Variants in LNPEP observed in about 807,000 individuals in gnomAD.
LNPEP encodes leucyl and cystinyl aminopeptidase.
A neutral mutation model predicts 120.6 loss-of-function variants in LNPEP; 64 were observed. The observed-to-expected ratio is 0.53, with a 90% CI of 0.43 to 0.65. The LOEUF is 0.65. LNPEP is among the 30% of genes least tolerant of loss of function. The pLI is 0.00. For synonymous variants in LNPEP, 435 were observed against 425.4 expected, an observed-to-expected ratio of 1.02 and a Z score of -0.28; for missense variants, 1,057 against 1,200.0, an observed-to-expected ratio of 0.88 and a Z score of 1.76.
At position 97,035,518 on chromosome 5, in the gene LNPEP, G is replaced by A. The variant is rs1036763546; in HGVS notation, c.*6985G>A. 3.3e-5 allele frequency: 5 copies of A among 152,026 alleles called. No homozygotes were observed. Among genetic ancestry groups the A allele is most frequent in the African/African-American group, 9.7e-5 (4 of 41,394 alleles). 9.4% of individuals were successfully genotyped at this position (152,026 alleles called of 1,614,324 possible). On this transcript the variant is annotated 3_prime_UTR_variant, in exon 18 of 18. Coordinates refer to ENST00000231368, the MANE Select transcript of LNPEP (RefSeq NM_005575.3). ...GCTATGTAGGGACCTAATGAAAGTC[G>A]AGTTTCATAATATGACAGCTCACTT...
intron 1 of LNPEP, among the ~76,000 whole-genome samples, chr5:96,947,589 A>G (rs1294497969): frequency 6.6e-6 from 1 of 152,142 alleles, no homozygotes; most frequent in Non-Finnish European, 1.5e-5. Context: ...TGTCCTTTAG[A>G]CAGATTTTTA....
Position 96,996,523 on chromosome 5 carries a change from G to C in LNPEP, c.1521+20G>C. 3 of 1,234,044 alleles carry C rather than the reference G, an allele frequency of 2.4e-6. No individual in the cohort carries two copies. Among genetic ancestry groups the C allele is most frequent in the Non-Finnish European group, 3.6e-6 (3 of 836,862 alleles). The allele number at this position is 1,234,044 out of a possible 1,614,324, so 76.4% of individuals were successfully genotyped here. A position where few individuals can be genotyped will look rare whatever the true frequency, so the allele number is the denominator to read the frequency against. On this transcript the variant is annotated intron_variant, in intron 7 of 17. Transcript: ENST00000231368. ...TCTAGTGTAAGTACAGGGTTTCTTT[G>C]GCCTACTATGAATGCTAGGAGGAAA... is the stretch of plus-strand genomic sequence containing the variant.
chr5:97,028,967 G>A lies in LNPEP; in HGVS notation c.*434G>A. 2 of 167,784 alleles carry A rather than the reference G, an allele frequency of 1.2e-5. No homozygotes were observed. Among genetic ancestry groups the A allele is most frequent in the Non-Finnish European group, 1.3e-5 (1 of 78,526 alleles). 10.4% of individuals were successfully genotyped at this position (167,784 alleles called of 1,614,324 possible). ...TGCTTCTTATTGATAGATGGCATTG[G>A]AATGTGGTACAAAGTTAGCTCTGAA... On this transcript the variant is annotated 3_prime_UTR_variant, in exon 18 of 18. Transcript: ENST00000231368.
rs746405932 is a variant in LNPEP at position 97,003,391 on chromosome 5, TTTC to T, written c.1654-23_1654-21del. ...ATAGTATTCTATTATTTTCTTTCTT[TTTC>T]CTCACTTTTTTTTTTAATAGGGATC... On this transcript the variant is annotated intron_variant, in intron 8 of 17. Coordinates refer to ENST00000231368, the MANE Select transcript of LNPEP (RefSeq NM_005575.3). 4 of 1,322,798 alleles carry T rather than the reference TTTC, an allele frequency of 3.0e-6. No individual in the cohort carries two copies. In the East Asian group the frequency reaches 9.7e-5, roughly 32 times the overall value. The allele number at this position is 1,322,798 out of a possible 1,614,324, so 81.9% of individuals were successfully genotyped here.
intron 2 of LNPEP, among the ~76,000 whole-genome samples, chr5:96,983,252 C>G (rs1790167562): frequency 6.6e-6 from 1 of 152,122 alleles, no homozygotes; most frequent in African/African-American, 2.4e-5. Context: ...GCTACCACCT[C>G]CAAGTGGTGG....
At chr5:96,992,895 C>T in intron 4 of LNPEP, 120 bp from the exon 5 acceptor site, 2 of 672,568 alleles carry the variant, frequency 3.0e-6, no homozygotes, top group South Asian at 5.6e-5. Context: ...TGTTTCTATC[C>T]AGAAGGATCT....
intron 1 of LNPEP, chr5:96,937,070 A>C (rs1788918630): frequency 6.6e-6 from 1 of 152,148 alleles, no homozygotes; most frequent in African/African-American, 2.4e-5. Context: ...TTAAGATAGA[A>C]AGTAGGAAAA....
At position 97,030,059 on chromosome 5, in the gene LNPEP, T is replaced by C. The variant is rs1168914632; in HGVS notation, c.*1526T>C. On this transcript the variant is annotated 3_prime_UTR_variant, in exon 18 of 18. Transcript: ENST00000231368. ...CAGACAGTGGGAAAGGTCACCCTTTTTTTATTCGGCAGGTATCAAGTTAGA... is the reference window on the plus strand; with the variant it reads ...CAGACAGTGGGAAAGGTCACCCTTTCTTTATTCGGCAGGTATCAAGTTAGA... 1 of 152,102 alleles carries C rather than the reference T, an allele frequency of 6.6e-6. No individual in the cohort carries two copies. Among genetic ancestry groups the C allele is most frequent in the Non-Finnish European group, 1.5e-5 (1 of 67,994 alleles). The allele number at this position is 152,102 out of a possible 1,614,324, so 9.4% of individuals were successfully genotyped here. A position where few individuals can be genotyped will look rare whatever the true frequency, so the allele number is the denominator to read the frequency against.
chr5:96,982,171 G>C (rs1790143085), intron 2 of LNPEP, among the ~76,000 whole-genome samples: 1 of 152,110 alleles, frequency 6.6e-6, no homozygotes, highest in Non-Finnish European at 1.5e-5. Context: ...AGCAGAGGGA[G>C]AACTCAAACT....
intron 17 of LNPEP, 101 bp downstream of exon 17, chr5:97,027,915 C>T: frequency 2.8e-6 from 2 of 725,692 alleles, no homozygotes; most frequent in Admixed American, 4.0e-5. Flanking sequence ...ATGCTAATTC[C>T]TTCTCTTATC....
chr5:97,015,889 A>AT (rs930870487), intron 13 of LNPEP, among the ~76,000 whole-genome samples: 5 of 151,944 alleles, frequency 3.3e-5, no homozygotes, highest in Admixed American at 1.3e-4. Flanking sequence ...GGATTAAATC[A>AT]TTTTTTTAAC....
chr5:96,959,425 CT>C (rs891337746), intron 1 of LNPEP, among the ~76,000 whole-genome samples: 2 of 151,946 alleles, frequency 1.3e-5, no homozygotes, highest in Non-Finnish European at 2.9e-5. Flanking sequence ...TTGTTGTAGT[CT>C]TTTGTGGGTA....
intron 1 of LNPEP, among the ~76,000 whole-genome samples, chr5:96,976,411 T>A (rs1789996998): frequency 6.6e-6 from 1 of 152,138 alleles, no homozygotes; most frequent in Non-Finnish European, 1.5e-5. Context: ...TAAGCCCTTG[T>A]CAGAAGATTT....
At chr5:96,939,599 A>AATTTT in intron 1 of LNPEP, among the ~76,000 whole-genome samples, 1 of 151,778 alleles carries the variant, frequency 6.6e-6, no homozygotes, top group Non-Finnish European at 1.5e-5. Flanking sequence ...CTGAAAACAT[A>AATTTT]AATAGTTTTT....
At chr5:97,009,103 C>T (rs949895498) in intron 11 of LNPEP, among the ~76,000 whole-genome samples, 1 of 152,198 alleles carries the variant, frequency 6.6e-6, no homozygotes, top group African/African-American at 2.4e-5. Context: ...CTATCAGCAA[C>T]TCAAACATGC....
intron 11 of LNPEP, among the ~76,000 whole-genome samples, chr5:97,007,341 G>T (rs978296610): frequency 2.0e-5 from 3 of 152,086 alleles, no homozygotes; most frequent in Non-Finnish European, 4.4e-5. Context: ...CAGTACCATT[G>T]ATCACTTATA....
Position 96,998,035 on chromosome 5 carries a change from C to A in LNPEP, c.1543C>A (p.Arg515=). The change falls in exon 8 of 18, where the codon CGA becomes AGA. Residue 515 remains arginine, a synonymous_variant. Coordinates refer to ENST00000231368, the MANE Select transcript of LNPEP (RefSeq NM_005575.3). ...ACAGTATGAAGATTTCTTAGATGCT[C>A]GATTTAAAACCATGAAGAAAGATTC... ...LSSYEDFLDA[R]FKTMKKDSLN... 1 of 1,573,482 alleles carries A rather than the reference C, an allele frequency of 6.4e-7. No homozygotes were observed. Among genetic ancestry groups the A allele is most frequent in the South Asian group, 1.1e-5 (1 of 87,306 alleles).
At chr5:96,998,201 G>C (rs990240513) in intron 8 of LNPEP, 56 bp downstream of exon 8, 4 of 1,291,200 alleles carry the variant, frequency 3.1e-6, no homozygotes, top group Non-Finnish European at 4.3e-6. Context: ...GTATAATTTC[G>C]TATGTGAGCA....
At chr5:96,968,250 A>G (rs998564171) in intron 1 of LNPEP, among the ~76,000 whole-genome samples, 3 of 152,050 alleles carry the variant, frequency 2.0e-5, no homozygotes, top group African/African-American at 7.2e-5. Context: ...CCTCTGTAGG[A>G]TACTGGCAGG....
Sources: allele counts gnomAD v4.1 joint callset (sites outside exome capture counted in the v4.1 genomes callset), GRCh38; gene constraint gnomAD v4.1.1; transcripts MANE v1.5; gene names NCBI Gene and HGNC (gene_info 2026-07-23, HGNC 2026-07-21).